Variants in VWA8 observed in about 807,000 individuals in gnomAD.
The protein encoded by VWA8 is von Willebrand factor A domain-containing protein 8.
Under a neutral mutation model 241.5 loss-of-function variants are expected in VWA8, and 221 were observed. The observed-to-expected ratio is 0.91, with a 90% CI of 0.82 to 1.02. The LOEUF is 1.02. Ranked by LOEUF, VWA8 falls within the 50% of genes least tolerant of loss-of-function variation. VWA8 has a pLI of 0.00. For synonymous variants in VWA8, 852 were observed against 827.1 expected, an observed-to-expected ratio of 1.03 and a Z score of -0.52; for missense variants, 2,322 against 2,328.7, an observed-to-expected ratio of 1.00 and a Z score of 0.06.
chr13:41,896,137 G>T (rs1450025486), intron 4 of VWA8, among the ~76,000 whole-genome samples: 1 of 152,024 alleles, frequency 6.6e-6, no homozygotes, highest in Non-Finnish European at 1.5e-5. Flanking sequence ...GTATGAACAA[G>T]AAACTCTTGT....
intron 34 of VWA8, among the ~76,000 whole-genome samples, chr13:41,687,297 T>C (rs2045143235): frequency 6.6e-6 from 1 of 152,156 alleles, no homozygotes; most frequent in African/African-American, 2.4e-5. Flanking sequence ...TTGTTTTATT[T>C]CTAATGAGAA....
intron 26 of VWA8, chr13:41,719,330 G>A (rs1055295931): frequency 7.8e-7 from 1 of 1,285,918 alleles, no homozygotes; most frequent in Non-Finnish European, 9.9e-7. Context: ...CAAAAGGACT[G>A]AGACTGTTAA....
intron 12 of VWA8, among the ~76,000 whole-genome samples, chr13:41,856,955 A>G (rs968338757): frequency 2.6e-5 from 4 of 152,048 alleles, no homozygotes; most frequent in Non-Finnish European, 5.9e-5. Context: ...TGTTAGAATA[A>G]TAGACAGGTG....
At chr13:41,687,680 T>G (rs1254474468) in intron 34 of VWA8, among the ~76,000 whole-genome samples, 1 of 152,152 alleles carries the variant, frequency 6.6e-6, no homozygotes, top group Non-Finnish European at 1.5e-5. Context: ...AACTATCATG[T>G]ATGAAAGGGC....
chr13:41,787,060 AAAATGT>A (rs1869226597), intron 18 of VWA8, among the ~76,000 whole-genome samples: 1 of 150,798 alleles, frequency 6.6e-6, no homozygotes, highest in South Asian at 2.1e-4. Context: ...GCTGACCCTC[AAAATGT>A]AAACATGCAA....
At chr13:41,686,318 G>A (rs1029881878) in intron 34 of VWA8, among the ~76,000 whole-genome samples, 2 of 152,032 alleles carry the variant, frequency 1.3e-5, no homozygotes, top group Admixed American at 6.6e-5. Flanking sequence ...AGCTCTCTGC[G>A]TCCTTATCAG....
chr13:41,587,759 G>A, intron 41 of VWA8, 89 bp from the exon 42 acceptor site: 7 of 1,515,494 alleles, frequency 4.6e-6, no homozygotes, highest in Non-Finnish European at 6.2e-6. Context: ...GCTCCAGCGT[G>A]CCAGCCCCGA....
At chr13:41,891,272 C>G (rs1310889487) in intron 5 of VWA8, 148 bp downstream of exon 5, 2 of 870,118 alleles carry the variant, frequency 2.3e-6, no homozygotes, top group East Asian at 2.6e-5. Context: ...TGTTGTAAAG[C>G]TGTAAATTCA....
chr13:41,671,679 G>A (rs2045025613), intron 36 of VWA8, among the ~76,000 whole-genome samples: 1 of 151,982 alleles, frequency 6.6e-6, no homozygotes, highest in Admixed American at 6.6e-5. Flanking sequence ...ATGGGATTAG[G>A]GCCCTTATGA....
intron 13 of VWA8, among the ~76,000 whole-genome samples, chr13:41,832,164 C>T (rs1871497872): frequency 6.7e-6 from 1 of 149,826 alleles, no homozygotes; most frequent in African/African-American, 2.5e-5. Context: ...CTCTTGACCT[C>T]GTGATCTGCC....
intron 14 of VWA8, among the ~76,000 whole-genome samples, chr13:41,821,596 T>C (rs551916846): frequency 1.3e-5 from 2 of 151,980 alleles, no homozygotes; most frequent in Non-Finnish European, 2.9e-5. Context: ...AAATTTAAAA[T>C]TAAGGTTAGG....
At chr13:41,691,479 T>A in intron 31 of VWA8, 34 bp from the exon 32 acceptor site, 1 of 1,608,218 alleles carries the variant, frequency 6.2e-7, no homozygotes, top group African/African-American at 1.3e-5. Context: ...TGAAAGGAAA[T>A]GGTGAGGATA....
chr13:41,637,011 T>G (rs1270068528), intron 37 of VWA8, among the ~76,000 whole-genome samples: 7 of 150,422 alleles, frequency 4.7e-5, no homozygotes, highest in Non-Finnish European at 1.0e-4. Flanking sequence ...GTGTGGTGAT[T>G]CCTCAGGGAT....
At chr13:41,901,505 A>T (rs1378200123) in intron 4 of VWA8, among the ~76,000 whole-genome samples, 1 of 152,178 alleles carries the variant, frequency 6.6e-6, no homozygotes, top group Non-Finnish European at 1.5e-5. Context: ...AGGTCTCCCA[A>T]TAAAAGTTTC....
At position 41,581,607 on chromosome 13, in the gene VWA8, A is replaced by G. The variant is rs148350107; in HGVS notation, c.5272-5769T>C. ...TCACTGCCCCCCTCCACTGCCAAAC[A>G]TCCTTCAAAGGTTCTTGTTACACTG... On this transcript the variant is annotated intron_variant, in intron 42 of 44. Coordinates refer to ENST00000379310, the MANE Select transcript of VWA8 (RefSeq NM_015058.2). 2.1e-3 allele frequency among the ~76,000 whole-genome samples: 320 copies of G among 152,324 alleles called. 6 individuals carry two copies. The Middle Eastern group carries it at 0.038, about 18-fold the overall frequency.
At chr13:41,727,011 A>C (rs1271360453) in intron 24 of VWA8, among the ~76,000 whole-genome samples, 183 bp downstream of exon 24, 2 of 152,092 alleles carry the variant, frequency 1.3e-5, no homozygotes, top group African/African-American at 2.4e-5. Context: ...AAACAAAACA[A>C]AACAAAAACC....
chr13:41,830,009 A>G (rs78205100), intron 14 of VWA8, among the ~76,000 whole-genome samples: 179 of 152,256 alleles, frequency 1.2e-3, no homozygotes, highest in East Asian at 1.7e-3. Context: ...TTGGGAGGCC[A>G]AGGCGGGCGG....
In VWA8 at chr13:41,811,313, T is replaced by G; in HGVS notation, c.1975A>C (p.Thr659Pro). Residue 659 changes from threonine (T) to proline (P), a missense_variant, in exon 17 of 45, where the codon ACC becomes CCC. Transcript: ENST00000379310. Reference protein sequence around the residue: ...TAQSLAASLSTRQLLRISRRL... With the variant: ...TAQSLAASLSPRQLLRISRRL... ...CGAGAAATTCGCAACAGTTGTCTGG[T>G]AGAAAGTGATGCCGCTAATGATTGT... 6.2e-7 allele frequency: 1 copy of G among 1,610,380 alleles called. No homozygotes were observed. The highest frequency in any genetic ancestry group is 8.5e-7 in the Non-Finnish European group (1 of 1,177,306).
chr13:41,884,685 T>C (rs759513909), intron 8 of VWA8, among the ~76,000 whole-genome samples: 2 of 152,148 alleles, frequency 1.3e-5, no homozygotes, highest in Non-Finnish European at 2.9e-5. Context: ...TCAACTTTTT[T>C]TTACATTTGA....
Sources: allele counts gnomAD v4.1 joint callset (sites outside exome capture counted in the v4.1 genomes callset), GRCh38; gene constraint gnomAD v4.1.1; transcripts MANE v1.5; gene names NCBI Gene and HGNC (gene_info 2026-07-23, HGNC 2026-07-21).